LAMB4: variants seen among roughly 807,000 people sequenced by gnomAD.
LAMB4 encodes laminin subunit beta-4.
A neutral mutation model predicts 199.2 loss-of-function variants in LAMB4; 196 were observed. The observed-to-expected ratio is 0.98, with a 90% CI of 0.88 to 1.11. The LOEUF (loss-of-function observed/expected upper bound fraction) is 1.11. Ranked by LOEUF, LAMB4 falls within the 50% of genes least tolerant of loss-of-function variation. The pLI, the probability that LAMB4 is intolerant of heterozygous loss-of-function variation, is 0.00. For synonymous variants in LAMB4, 744 were observed against 770.6 expected, an observed-to-expected ratio of 0.97 and a Z score of 0.57; for missense variants, 2,080 against 2,171.2, an observed-to-expected ratio of 0.96 and a Z score of 0.83.
At chr7:108,091,872 C>A (rs2037418982) in intron 13 of LAMB4, 96 bp from the exon 14 acceptor site, 4 of 1,221,258 alleles carry the variant, frequency 3.3e-6, no homozygotes, top group Non-Finnish European at 4.7e-6. Flanking sequence ...GAGTTTGGAG[C>A]AATCCTTAGA....
chr7:108,060,539 T>A (rs1033093104), intron 23 of LAMB4, among the ~76,000 whole-genome samples: 1 of 152,172 alleles, frequency 6.6e-6, no homozygotes, highest in Non-Finnish European at 1.5e-5. Context: ...ATTCTAGGAC[T>A]GGGGCAGAGA....
At position 108,049,468 on chromosome 7, in the gene LAMB4, T is replaced by G. The variant is rs756358354; in HGVS notation, c.3980A>C (p.Glu1327Ala). The change falls in exon 27 of 34, where the codon GAA becomes GCA. Residue 1327 changes from glutamate to alanine, a missense_variant. Physicochemically the swap from Glu to Ala is moderately radical, Grantham distance 107. Transcript: ENST00000388781. ...AGAGGTATTAATGGTGGAACTAGTT[T>G]CATTAATTTTCTTTTCAGCAGATGA... ...ISSSAEKKIN[E>A]TSSTINTSAN... 6.2e-7 allele frequency: 1 copy of G among 1,600,474 alleles called. No individual in the cohort carries two copies.
chr7:108,050,250 C>T (rs2035784672), intron 26 of LAMB4, among the ~76,000 whole-genome samples: 3 of 152,158 alleles, frequency 2.0e-5, no homozygotes, highest in Admixed American at 6.5e-5. Context: ...TAGTTGGGTG[C>T]TTTGTAGGTG....
rs753791257 is a variant in LAMB4, at chr7:108,047,912, T to A, written c.4322A>T (p.Asn1441Ile). Residue 1441 changes from asparagine to isoleucine, a missense_variant, in exon 28 of 34, where the codon AAT becomes ATT. Asn to Ile is a moderately radical substitution (Grantham distance 149). Transcript: ENST00000388781. ...AAAGCAAGAGAAGATATTTACCTGATTTTTCAACCCACGAACCTGTTTGTC... is the reference window on the plus strand; with the variant it reads ...AAAGCAAGAGAAGATATTTACCTGAATTTTCAACCCACGAACCTGTTTGTC... ...NLDKQVRGLK[N>I]QIESISEQAE... 3 of 1,613,174 alleles carry A rather than the reference T, an allele frequency of 1.9e-6. No homozygotes were observed. Among genetic ancestry groups the A allele is most frequent in the Non-Finnish European group, 2.5e-6 (3 of 1,179,110 alleles).
chr7:108,034,165 C>T (rs1457105695), intron 31 of LAMB4, 43 bp downstream of exon 31: 2 of 1,599,142 alleles, frequency 1.3e-6, no homozygotes, highest in East Asian at 2.2e-5. Flanking sequence ...GTTGTTTTTA[C>T]CCTCAAAACC....
chr7:108,057,044 C>T (rs1008023319), intron 24 of LAMB4, among the ~76,000 whole-genome samples: 7 of 149,224 alleles, frequency 4.7e-5, no homozygotes, highest in African/African-American at 1.7e-4. Context: ...AACTAGTTAA[C>T]ACACTAGGGC....
chr7:108,048,444 G>A (rs1209352506), intron 27 of LAMB4, among the ~76,000 whole-genome samples: 1 of 152,086 alleles, frequency 6.6e-6, no homozygotes, highest in African/African-American at 2.4e-5. Context: ...GAGATTACAG[G>A]CATGTGGCCT....
chr7:108,091,798 A>G (rs749377653), intron 13 of LAMB4, 22 bp from the exon 14 acceptor site: 1 of 1,612,268 alleles, frequency 6.2e-7, no homozygotes, highest in African/African-American at 1.3e-5. Flanking sequence ...GCAATTCATC[A>G]TGAAAAAATG....
At chr7:108,056,344 G>A (rs1471926958) in intron 24 of LAMB4, among the ~76,000 whole-genome samples, 6 of 152,202 alleles carry the variant, frequency 3.9e-5, no homozygotes, top group Non-Finnish European at 5.9e-5. Flanking sequence ...TGCTGTTACA[G>A]CCTCCGAGGG....
intron 9 of LAMB4, among the ~76,000 whole-genome samples, chr7:108,103,640 G>A (rs2037895004): frequency 6.6e-6 from 1 of 152,206 alleles, no homozygotes; most frequent in South Asian, 2.1e-4. Flanking sequence ...GAAGACGGCA[G>A]AGGAAACCGG....
intron 11 of LAMB4, among the ~76,000 whole-genome samples, chr7:108,095,889 A>C (rs1379699528): frequency 6.6e-6 from 1 of 152,252 alleles, no homozygotes; most frequent in African/African-American, 2.4e-5. Flanking sequence ...ACCAACGTTC[A>C]TGGAAATAAC....
chr7:108,029,311 TCAATA>T, intron 32 of LAMB4, 115 bp from the exon 33 acceptor site: 1 of 762,886 alleles, frequency 1.3e-6, no homozygotes, highest in Non-Finnish European at 1.9e-6. Flanking sequence ...CTTAATCCAG[TCAATA>T]CACTTGAGTT....
In LAMB4 at chr7:108,029,081, A is replaced by C; in HGVS notation, c.5108T>G (p.Leu1703Trp). The C allele has an allele frequency of 8.7e-6, 14 of 1,614,008 alleles. No individual in the cohort carries two copies. Among genetic ancestry groups the C allele is most frequent in the Non-Finnish European group, 1.2e-5 (14 of 1,179,970 alleles). The change falls in exon 33 of 34, where the codon TTG (leucine) becomes TGG (tryptophan). Residue 1703 changes from leucine (L) to tryptophan (W), a missense_variant. By Grantham distance (61) the Leu-to-Trp change is moderately conservative. Transcript: ENST00000388781. The stretch of plus-strand genomic sequence containing the variant: ...TATCTTGGCCTCTGTATCTCCAGCC[A>C]ATTTTTCTGCCGCATCTTTTAGCTG... Reference protein sequence around the residue: ...VKQLKDAAEKLAGDTEAKIRR... With the variant: ...VKQLKDAAEKWAGDTEAKIRR...
intron 29 of LAMB4, among the ~76,000 whole-genome samples, chr7:108,042,877 T>G (rs986356958): frequency 2.0e-5 from 3 of 151,882 alleles, no homozygotes; most frequent in African/African-American, 7.3e-5. Context: ...ATTATTGAAT[T>G]TGAAAAATGG....
Position 108,078,306 on chromosome 7 carries a change from T to G in LAMB4, c.1898A>C (p.Asp633Ala). ...AIHYETQSAA[D>A]WTVQIVVNPP... Reference sequence around the variant, plus strand: ...GTTCACCACAATCTGGACAGTCCAGTCAGCTGCAGACTAGACAGGCATGAC... The same window carrying G: ...GTTCACCACAATCTGGACAGTCCAGGCAGCTGCAGACTAGACAGGCATGAC... The change falls in exon 16 of 34, where the codon GAC becomes GCC. Residue 633 changes from aspartate to alanine, a missense_variant. Physicochemically the swap from Asp to Ala is moderately radical, Grantham distance 126. Coordinates refer to ENST00000388781, the MANE Select transcript of LAMB4 (RefSeq NM_007356.3). The G allele has an allele frequency of 6.2e-7, 1 of 1,600,940 alleles. No homozygotes were observed. Among genetic ancestry groups the G allele is most frequent in the African/African-American group, 1.3e-5 (1 of 74,834 alleles).
intron 31 of LAMB4, among the ~76,000 whole-genome samples, chr7:108,033,643 G>A (rs2035119151): frequency 6.6e-6 from 1 of 151,794 alleles, no homozygotes; most frequent in Non-Finnish European, 1.5e-5. Flanking sequence ...TCCTCACCTC[G>A]GGTGATACAC....
chr7:108,099,266 A>T (rs2037736543), intron 10 of LAMB4, among the ~76,000 whole-genome samples: 3 of 152,220 alleles, frequency 2.0e-5, no homozygotes, highest in Admixed American at 6.5e-5. Context: ...AATGGGATAA[A>T]CAGTCACTTG....
chr7:108,037,381 T>C lies in LAMB4; in HGVS notation c.4679+7A>G. ...GAGCAAGATAAGAATATTAATACAG[T>C]ACTTACTCAGCTGCTTTGGCCTTCA... On this transcript the variant is annotated splice_region_variant and intron_variant, in intron 30 of 33. Transcript: ENST00000388781. 1.2e-6 allele frequency: 2 copies of C among 1,604,662 alleles called. No individual in the cohort carries two copies. Among genetic ancestry groups the C allele is most frequent in the Non-Finnish European group, 1.7e-6 (2 of 1,171,516 alleles).
intron 3 of LAMB4, among the ~76,000 whole-genome samples, chr7:108,113,347 T>C (rs895496213): frequency 2.6e-4 from 40 of 152,222 alleles, no homozygotes; most frequent in African/African-American, 9.6e-4. Context: ...GTGTGGTACA[T>C]AGTAGATGTT....
Sources: allele counts gnomAD v4.1 joint callset (sites outside exome capture counted in the v4.1 genomes callset), GRCh38; gene constraint gnomAD v4.1.1; transcripts MANE v1.5; gene names NCBI Gene and HGNC (gene_info 2026-07-23, HGNC 2026-07-21).